The following GPM6B variants were observed in gnomAD, a reference collection of about 807,000 sequenced individuals.
GPM6B encodes the protein neuronal membrane glycoprotein M6-b.
A neutral mutation model predicts 27.2 loss-of-function variants in GPM6B; 4 were observed. That is an observed-to-expected ratio of 0.15 (90% confidence interval 0.07 to 0.34). The LOEUF (loss-of-function observed/expected upper bound fraction) is 0.34, where lower values mean the gene tolerates loss of function less well. Among genes scored for constraint, GPM6B ranks in the 10% least tolerant of loss-of-function variants. GPM6B has a pLI of 1.00. For synonymous variants in GPM6B, 124 were observed against 103.1 expected (o/e 1.20, Z -1.23); for missense variants, 183 against 261.9 (o/e 0.70, Z 2.08).
At chrX:13,852,968 T>G (rs1457471891) in intron 1 of GPM6B, among the ~76,000 whole-genome samples, 1 of 109,722 alleles carries the variant, frequency 9.1e-6, no homozygotes, top group South Asian at 4.0e-4. Context: ...TGTGTATCAT[T>G]TTGTACAGGT....
At chrX:13,888,226 G>A (rs2050155780) in intron 1 of GPM6B, among the ~76,000 whole-genome samples, 1 of 112,464 alleles carries the variant, frequency 8.9e-6, no homozygotes. Context: ...CTTTCTTGCA[G>A]AAGCCATTTG....
chrX:13,897,846 G>T (rs1254150315), intron 1 of GPM6B, among the ~76,000 whole-genome samples: 1 of 111,980 alleles, frequency 8.9e-6, no homozygotes, highest in Non-Finnish European at 1.9e-5. Context: ...TAAGGGACAG[G>T]CATTCCCATC....
chrX:13,839,873 T>C (rs1376177044), intron 1 of GPM6B, among the ~76,000 whole-genome samples: 2 of 112,115 alleles, frequency 1.8e-5, no homozygotes, highest in Non-Finnish European at 3.8e-5. Context: ...GAATCTAGGA[T>C]AGCCAAGGTT....
intron 1 of GPM6B, among the ~76,000 whole-genome samples, chrX:13,910,390 C>A (rs1377241926): frequency 8.9e-6 from 1 of 112,528 alleles, no homozygotes; most frequent in Non-Finnish European, 1.9e-5. Context: ...AGCCACTGGG[C>A]GAATGCACAT....
At chrX:13,776,143 G>T in intron 7 of GPM6B, 95 bp downstream of exon 7, 1 of 682,431 alleles carries the variant, frequency 1.5e-6, no homozygotes, top group African/African-American at 2.1e-5. Context: ...AGAATCATTG[G>T]CTTCAATAGG....
chrX:13,871,607 T>C lies in GPM6B; in HGVS notation c.-198+66720A>G, dbSNP rs780603134. On this transcript the variant is annotated intron_variant, in intron 1 of 6. Transcript: ENST00000398361. ...CTTGTTGCAGATGTACTGAAGCAGA[T>C]TGCACCTTTCAGTGAGATCCAGGTG... Among the ~76,000 whole-genome samples, 128 of 112,072 alleles carry C rather than the reference T, an allele frequency of 1.1e-3. 1 individual carries two copies. The highest frequency in any genetic ancestry group is 2.0e-3 in the Non-Finnish European group (109 of 53,199).
intron 2 of GPM6B, among the ~76,000 whole-genome samples, chrX:13,790,136 G>C (rs1025040379): frequency 8.9e-6 from 1 of 112,304 alleles, no homozygotes; most frequent in African/African-American, 3.2e-5. Context: ...TTACAGGTGT[G>C]AGCCACCATG....
chrX:13,782,077 G>C (rs896266810), intron 4 of GPM6B, among the ~76,000 whole-genome samples: 2 of 111,714 alleles, frequency 1.8e-5, no homozygotes, highest in Non-Finnish European at 3.8e-5. Flanking sequence ...ACCCTCCAAG[G>C]CAGGTCAGCA....
At chrX:13,886,230 C>CA (rs1255988474) in intron 1 of GPM6B, among the ~76,000 whole-genome samples, 3 of 111,788 alleles carry the variant, frequency 2.7e-5, no homozygotes, top group Non-Finnish European at 5.6e-5. Flanking sequence ...AATCAGAAAG[C>CA]AAAATCTCTC....
intron 1 of GPM6B, among the ~76,000 whole-genome samples, chrX:13,905,674 A>T (rs1392282835): frequency 8.9e-6 from 1 of 111,738 alleles, no homozygotes; most frequent in Non-Finnish European, 1.9e-5. Context: ...CTGATTTTTT[A>T]GACCAGCAAT....
chrX:13,776,036 C>T (rs946913864), intron 7 of GPM6B: 1 of 413,857 alleles, frequency 2.4e-6, no homozygotes. Context: ...GTCCAAATTA[C>T]ATCACCTACA....
intron 1 of GPM6B, among the ~76,000 whole-genome samples, chrX:13,890,905 G>T (rs1423306609): frequency 9.0e-6 from 1 of 111,177 alleles, no homozygotes; most frequent in East Asian, 2.8e-4. Flanking sequence ...CTGTAAAGCT[G>T]CAATATAACC....
intron 1 of GPM6B, among the ~76,000 whole-genome samples, chrX:13,890,721 AC>A (rs2050181023): frequency 9.1e-6 from 1 of 110,415 alleles, no homozygotes; most frequent in African/African-American, 3.3e-5. Context: ...TTCCAGTAGC[AC>A]CCCCAACTCC....
intron 1 of GPM6B, among the ~76,000 whole-genome samples, chrX:13,828,336 TAAG>T (rs1045012269): frequency 7.2e-5 from 8 of 110,418 alleles, no homozygotes; most frequent in Non-Finnish European, 1.5e-4. Flanking sequence ...GGTGGTTTCA[TAAG>T]AAGAGGAAGA....
chrX:13,809,702 C>T (rs770047070), intron 1 of GPM6B, among the ~76,000 whole-genome samples: 60 of 110,584 alleles, frequency 5.4e-4, no homozygotes, highest in African/African-American at 1.9e-3. Flanking sequence ...TCTGGGAGGC[C>T]GAGGCAGCCA....
chrX:13,790,013 T>A (rs1263768954), intron 2 of GPM6B, among the ~76,000 whole-genome samples: 3 of 111,444 alleles, frequency 2.7e-5, no homozygotes, highest in Non-Finnish European at 5.7e-5. Flanking sequence ...ACCCAGCTCA[T>A]TTTTTATTTT....
intron 1 of GPM6B, among the ~76,000 whole-genome samples, chrX:13,849,138 T>G (rs2049684493): frequency 8.9e-6 from 1 of 112,311 alleles, no homozygotes; most frequent in African/African-American, 3.2e-5. Context: ...AATATGTAAA[T>G]TATACCCAAA....
intron 2 of GPM6B, among the ~76,000 whole-genome samples, chrX:13,802,486 G>A (rs1282074388): frequency 1.8e-5 from 2 of 110,505 alleles, no homozygotes; most frequent in Non-Finnish European, 3.8e-5. Flanking sequence ...ACAATGGAAC[G>A]TTCAAAAACA....
chrX:13,819,298 T>C (rs1047020940), upstream of GPM6B, among the ~76,000 whole-genome samples: 1 of 112,409 alleles, frequency 8.9e-6, no homozygotes, highest in Non-Finnish European at 1.9e-5. Context: ...CTCACTGATG[T>C]TTATGATAAA....
Sources: allele counts gnomAD v4.1 joint callset (sites outside exome capture counted in the v4.1 genomes callset), GRCh38; gene constraint gnomAD v4.1.1; transcripts MANE v1.5; gene names NCBI Gene and HGNC (gene_info 2026-07-23, HGNC 2026-07-21).